The following KDM4C variants were observed in gnomAD, a reference collection of about 807,000 sequenced individuals.
KDM4C encodes lysine-specific demethylase 4C.
A neutral mutation model predicts 129.3 loss-of-function variants in KDM4C; 81 were observed. The ratio of observed to expected loss-of-function variants is 0.63; its 90% confidence interval spans 0.52 to 0.75. The LOEUF (loss-of-function observed/expected upper bound fraction) is 0.75. Among genes scored for constraint, KDM4C ranks in the 30% least tolerant of loss-of-function variants. The pLI, the probability that KDM4C is intolerant of heterozygous loss-of-function variation, is 0.00. For synonymous variants in KDM4C, 573 were observed against 456.1 expected, an observed-to-expected ratio of 1.26 and a Z score of -3.26; for missense variants, 1,457 against 1,304.0, an observed-to-expected ratio of 1.12 and a Z score of -1.81.
chr9:7,150,084 C>T (rs1243802175), intron 19 of KDM4C, among the ~76,000 whole-genome samples: 6 of 152,176 alleles, frequency 3.9e-5, no homozygotes, highest in Admixed American at 1.3e-4. Context: ...TGTTTGGCTA[C>T]ACCACTCAAC....
intron 8 of KDM4C, among the ~76,000 whole-genome samples, chr9:6,919,668 C>G (rs73410616): frequency 0.24 from 37,053 of 151,360 alleles, 5,198 homozygotes; most frequent in South Asian, 0.39. Context: ...CTCCGCCTCC[C>G]GGGTTCAAGT....
rs73409591 is a variant in KDM4C at position 7,107,786 on chromosome 9, A to G, written c.2610+3916A>G. On this transcript the variant is annotated intron_variant, in intron 18 of 21. Transcript: ENST00000381309. ...GAGAAAACGCTGTATTGGTTAATTTATGTGATTTTGTGTATTTTTCCTTTA... is the reference window on the plus strand; with the variant it reads ...GAGAAAACGCTGTATTGGTTAATTTGTGTGATTTTGTGTATTTTTCCTTTA... Among the ~76,000 whole-genome samples the G allele has an allele frequency of 5.0e-3, 755 of 152,304 alleles. 3 individuals are homozygous for G. The highest frequency in any genetic ancestry group is 0.017 in the African/African-American group (707 of 41,566).
chr9:7,138,016 G>C (rs1041051385), intron 19 of KDM4C, among the ~76,000 whole-genome samples: 1 of 152,184 alleles, frequency 6.6e-6, no homozygotes, highest in Non-Finnish European at 1.5e-5. Flanking sequence ...TTTAAAAGAA[G>C]TTAGTTAATT....
At chr9:6,988,951 G>C (rs776380947) in intron 11 of KDM4C, among the ~76,000 whole-genome samples, 1 of 152,058 alleles carries the variant, frequency 6.6e-6, no homozygotes, top group Non-Finnish European at 1.5e-5. Flanking sequence ...AGTAGTATTT[G>C]ATAAATACGA....
At chr9:6,942,185 T>C (rs897010712) in intron 8 of KDM4C, among the ~76,000 whole-genome samples, 1 of 152,106 alleles carries the variant, frequency 6.6e-6, no homozygotes, top group Non-Finnish European at 1.5e-5. Flanking sequence ...TTCTTGTAAT[T>C]TATTAAACTT....
At chr9:6,999,081 G>C (rs818896) in intron 12 of KDM4C, among the ~76,000 whole-genome samples, 151,288 of 152,296 alleles carry the variant, frequency 0.99, 75,151 homozygotes, top group Middle Eastern at 1. Flanking sequence ...AAGGACATTA[G>C]TTAGAAGTGG....
intron 2 of KDM4C, among the ~76,000 whole-genome samples, chr9:6,804,098 C>T (rs1829520117): frequency 6.6e-6 from 1 of 152,242 alleles, no homozygotes; most frequent in South Asian, 2.1e-4. Context: ...GCTAAGGTTA[C>T]AGGTGTGAGC....
At chr9:7,105,826 C>G (rs568398674) in intron 18 of KDM4C, among the ~76,000 whole-genome samples, 1 of 152,208 alleles carries the variant, frequency 6.6e-6, no homozygotes, top group South Asian at 2.1e-4. Context: ...GTGGTTCAGT[C>G]AAGTTTAGGT....
At chr9:7,025,944 C>T (rs1332607677) in intron 15 of KDM4C, among the ~76,000 whole-genome samples, 1 of 152,166 alleles carries the variant, frequency 6.6e-6, no homozygotes, top group Non-Finnish European at 1.5e-5. Context: ...GTGGCCCATG[C>T]CTGTAATCCC....
At chr9:7,030,843 C>G (rs1826603517) in intron 15 of KDM4C, among the ~76,000 whole-genome samples, 1 of 152,022 alleles carries the variant, frequency 6.6e-6, no homozygotes, top group Non-Finnish European at 1.5e-5. Context: ...GCCATGCTAT[C>G]AAAAACTAGA....
intron 8 of KDM4C, among the ~76,000 whole-genome samples, chr9:6,926,730 A>C (rs1822632866): frequency 6.6e-6 from 1 of 152,120 alleles, no homozygotes; most frequent in Non-Finnish European, 1.5e-5. Context: ...ATCCAGCAAC[A>C]TTGGGGTGTG....
chr9:7,056,176 A>G (rs1046478647), intron 17 of KDM4C, among the ~76,000 whole-genome samples: 1 of 152,192 alleles, frequency 6.6e-6, no homozygotes, highest in African/African-American at 2.4e-5. Context: ...GAACTATTCT[A>G]AAGGAGGAGT....
chr9:6,820,284 G>A (rs909193351), intron 4 of KDM4C, among the ~76,000 whole-genome samples: 1 of 152,158 alleles, frequency 6.6e-6, no homozygotes, highest in South Asian at 2.1e-4. Flanking sequence ...AGGAGAGAGA[G>A]TGAAAGGTGG....
intron 8 of KDM4C, chr9:6,925,463 T>G: frequency 3.8e-6 from 2 of 524,936 alleles, no homozygotes; most frequent in Non-Finnish European, 4.6e-6. Context: ...CCCCCTCTCC[T>G]CCCCTCTTTT....
chr9:7,149,670 T>G (rs1031540924), intron 19 of KDM4C, among the ~76,000 whole-genome samples: 1 of 152,250 alleles, frequency 6.6e-6, no homozygotes, highest in Admixed American at 6.5e-5. Flanking sequence ...GCAGTTAGTG[T>G]GGTGCCCAGC....
chr9:6,829,022 G>A lies in KDM4C; in HGVS notation c.435+14277G>A, dbSNP rs1374968543. 2.6e-5 allele frequency among the ~76,000 whole-genome samples: 4 copies of A among 152,196 alleles called. No homozygotes were observed. In the South Asian group the frequency reaches 6.2e-4, roughly 24 times the overall value. On this transcript the variant is annotated intron_variant, in intron 4 of 21. Coordinates refer to ENST00000381309, the MANE Select transcript of KDM4C (RefSeq NM_015061.6). The stretch of plus-strand genomic sequence containing the variant: ...TAAATTGATAAATCAACAAATATGT[G>A]TGGAGAATCACTCTGAGTGATCGAT...
intron 8 of KDM4C, among the ~76,000 whole-genome samples, chr9:6,929,555 A>G (rs998201173): frequency 6.6e-6 from 1 of 150,466 alleles, no homozygotes; most frequent in Admixed American, 6.7e-5. Flanking sequence ...ATTGTGGTGC[A>G]GAGGCTGGTT....
chr9:7,032,997 A>G lies in KDM4C; in HGVS notation c.2260-13865A>G, dbSNP rs568908159. Among the ~76,000 whole-genome samples, 3 of 152,216 alleles carry G rather than the reference A, an allele frequency of 2.0e-5. No individual in the cohort carries two copies. The East Asian group carries it at 5.8e-4, about 29-fold the overall frequency. ...ATAACGTCTTGAATTCAATTTCCCA[A>G]CTGACAACAGCATTGGCATTTTTCT... On this transcript the variant is annotated intron_variant, in intron 15 of 21. Transcript: ENST00000381309.
At chr9:7,133,692 G>GA (rs1473539223) in intron 19 of KDM4C, among the ~76,000 whole-genome samples, 4 of 152,184 alleles carry the variant, frequency 2.6e-5, no homozygotes, top group African/African-American at 9.7e-5. Context: ...TGCTCTAAGG[G>GA]AAAACACAGA....
Sources: gnomAD v4.1 joint callset for allele counts (sites outside exome capture counted in the v4.1 genomes callset) on GRCh38, gnomAD v4.1.1 for gene constraint, MANE v1.5 for transcripts, NCBI Gene and HGNC (gene_info 2026-07-23, HGNC 2026-07-21) for gene names.